Variants in GARIN5B observed in about 807,000 individuals in gnomAD.
GARIN5B encodes golgi associated RAB2 interactor family member 5B.
chr19:55,359,254 C>G, the GARIN5B span: 1 of 1,550,584 alleles, frequency 6.4e-7, no homozygotes, highest in African/African-American at 1.4e-5. Flanking sequence ...TTGGCAGAGC[C>G]TTCTGGGATG....
chr19:55,358,168 C>G, the GARIN5B span: 8 of 1,506,250 alleles, frequency 5.3e-6, no homozygotes, highest in Admixed American at 6.8e-5. Flanking sequence ...TCAAGACGCC[C>G]GATTCCTCCT....
chr19:55,359,104 C>T, the GARIN5B span: 47 of 1,551,284 alleles, frequency 3.0e-5, no homozygotes, highest in South Asian at 1.5e-4. Context: ...CCGTCACCAC[C>T]GGCTCCGGTT....
the GARIN5B span, among the ~76,000 whole-genome samples, chr19:55,356,464 T>C: frequency 6.6e-6 from 1 of 151,890 alleles, no homozygotes; most frequent in Non-Finnish European, 1.5e-5. Context: ...CCCGTCGCCA[T>C]GCCCGGCTAA....
At chr19:55,355,942 G>A in the GARIN5B span, among the ~76,000 whole-genome samples, 1 of 148,546 alleles carries the variant, frequency 6.7e-6, no homozygotes, top group African/African-American at 2.4e-5. Context: ...AGCTGTGATG[G>A]CATCACTGCA....
At chr19:55,358,296 T>G in the GARIN5B span, 1 of 1,549,646 alleles carries the variant, frequency 6.5e-7, no homozygotes, top group Admixed American at 2.0e-5. Flanking sequence ...GGCATCCTCA[T>G]GGGCTCCTGC....
At chr19:55,362,079 A>C in the GARIN5B span, among the ~76,000 whole-genome samples, 11,743 of 133,570 alleles carry the variant, frequency 0.088, 558 homozygotes, top group Middle Eastern at 0.18. Context: ...GGCCCCCAGC[A>C]TCTCCTCCCT....
At chr19:55,358,362 G>A in the GARIN5B span, 41 of 1,517,848 alleles carry the variant, frequency 2.7e-5, no homozygotes, top group African/African-American at 4.6e-4. Flanking sequence ...TTTGAGATGA[G>A]GGTCTCCGAG....
At chr19:55,360,949 G>A in the GARIN5B span, 1 of 1,545,242 alleles carries the variant, frequency 6.5e-7, no homozygotes, top group Non-Finnish European at 8.8e-7. Context: ...TCTGGGCTGG[G>A]GTCTCCCACC....
chr19:55,359,834 T>A, the GARIN5B span: 1 of 1,551,456 alleles, frequency 6.4e-7, no homozygotes, highest in Non-Finnish European at 8.7e-7. Flanking sequence ...CATGAGGTCT[T>A]CCGTGTCCTG....
At chr19:55,362,222 G>C in the GARIN5B span, 1 of 1,506,682 alleles carries the variant, frequency 6.6e-7, no homozygotes. Flanking sequence ...GCCATGCCCT[G>C]GTCTGTGGAG....
At chr19:55,360,883 C>A in the GARIN5B span, 1 of 1,544,558 alleles carries the variant, frequency 6.5e-7, no homozygotes. Flanking sequence ...TGAGTTCTGT[C>A]GGGGCGGGGG....
the GARIN5B span, chr19:55,361,451 A>T: frequency 6.8e-7 from 1 of 1,478,072 alleles, no homozygotes; most frequent in Admixed American, 2.5e-5. Flanking sequence ...AGATAGAGGG[A>T]GGCAGGAGGG....
At chr19:55,362,595 G>A in the GARIN5B span, 21 of 1,544,468 alleles carry the variant, frequency 1.4e-5, no homozygotes, top group East Asian at 4.9e-5. Context: ...GCACGAGGCC[G>A]GAGCAGTCCC....
the GARIN5B span, chr19:55,362,659 A>G: frequency 6.5e-7 from 1 of 1,546,808 alleles, no homozygotes; most frequent in African/African-American, 1.4e-5. Flanking sequence ...CAGGCCTGGC[A>G]GGGAGGCGGC....
the GARIN5B span, chr19:55,360,862 G>T: frequency 6.5e-7 from 1 of 1,547,738 alleles, no homozygotes; most frequent in African/African-American, 1.4e-5. Flanking sequence ...CCAGGCAAGC[G>T]GATTTGGGTG....
the GARIN5B span, among the ~76,000 whole-genome samples, chr19:55,357,384 C>T: frequency 2.0e-5 from 3 of 152,182 alleles, no homozygotes; most frequent in African/African-American, 7.2e-5. Context: ...CCATGATGGG[C>T]GCCCCCCTGC....
At chr19:55,357,763 G>A in the GARIN5B span, among the ~76,000 whole-genome samples, 1 of 152,204 alleles carries the variant, frequency 6.6e-6, no homozygotes, top group Admixed American at 6.5e-5. Context: ...ATATATCAGA[G>A]TGAAAGGGGG....
chr19:55,361,613 GTCC>G, the GARIN5B span, among the ~76,000 whole-genome samples: 3 of 128,212 alleles, frequency 2.3e-5, no homozygotes, highest in African/African-American at 2.9e-5. Context: ...CAGGCCCCCA[GTCC>G]CTCCTCCCTC....
chr19:55,358,329 A>G, the GARIN5B span: 4 of 1,534,896 alleles, frequency 2.6e-6, no homozygotes, highest in East Asian at 2.5e-5. Flanking sequence ...GGCTGCTGGG[A>G]CGCCCTGGCT....
Sources: allele counts gnomAD v4.1 joint callset (sites outside exome capture counted in the v4.1 genomes callset), GRCh38; gene constraint gnomAD v4.1.1; transcripts MANE v1.5; gene names NCBI Gene and HGNC (gene_info 2026-07-23, HGNC 2026-07-21).